KIF7: variants seen among roughly 807,000 people sequenced by gnomAD.
KIF7 encodes kinesin-like protein KIF7.
In KIF7, 104 loss-of-function variants were observed where a neutral mutation model predicts 135.7. The ratio of observed to expected loss-of-function variants is 0.77; its 90% confidence interval spans 0.65 to 0.90. KIF7 has a LOEUF of 0.90. Among genes scored for constraint, KIF7 ranks in the 40% least tolerant of loss-of-function variants. The pLI is 0.00. For synonymous variants in KIF7, 883 were observed against 809.4 expected (o/e 1.09, Z -1.54); for missense variants, 2,005 against 1,839.1 (o/e 1.09, Z -1.65).
chr15:89,633,053 G>T (rs1046137007), intron 13 of KIF7, 57 bp from the exon 14 acceptor site: 2 of 1,582,242 alleles, frequency 1.3e-6, no homozygotes, highest in Non-Finnish European at 1.7e-6. Context: ...GGCTGTGTCA[G>T]CCGCCACTCG....
chr15:89,639,068 T>C lies in KIF7; in HGVS notation c.2394+3135A>G, dbSNP rs1410447341. Among the ~76,000 whole-genome samples the C allele has an allele frequency of 6.6e-5, 10 of 152,122 alleles. 1 individual carries two copies. In the South Asian group the frequency reaches 2.1e-3, roughly 32 times the overall value. Reference sequence around the variant, plus strand: ...GGATTCCCTATTTAATAAATGGTGCTGGGAAAACTGGCTAGCCATATGTAG... The same window carrying C: ...GGATTCCCTATTTAATAAATGGTGCCGGGAAAACTGGCTAGCCATATGTAG... On this transcript the variant is annotated intron_variant, in intron 11 of 18. Coordinates refer to ENST00000394412, the MANE Select transcript of KIF7 (RefSeq NM_198525.3).
At chr15:89,630,072 C>CCAAT (rs1392061732) in intron 16 of KIF7, 1 of 602,610 alleles carries the variant, frequency 1.7e-6, no homozygotes, top group Non-Finnish European at 2.9e-6. Flanking sequence ...CTGAGGTTAG[C>CCAAT]CAATCAGAGC....
chr15:89,630,593 T>G (rs1284697165), intron 15 of KIF7, 100 bp from the exon 16 acceptor site: 2 of 1,028,836 alleles, frequency 1.9e-6, no homozygotes, highest in African/African-American at 3.2e-5. Context: ...AACTGGGCCT[T>G]AAGGGTCCCC....
chr15:89,625,847 G>A, downstream of KIF7: 1 of 1,550,668 alleles, frequency 6.4e-7, no homozygotes, highest in Non-Finnish European at 8.7e-7. Flanking sequence ...TGCTTGACAA[G>A]GAGGCACTTG....
At chr15:89,624,970 G>A (rs1276851115), downstream of KIF7, 6 of 1,614,066 alleles carry the variant, frequency 3.7e-6, no homozygotes, top group East Asian at 1.3e-4. Flanking sequence ...CACAGACTCT[G>A]CCAGCCCACA....
chr15:89,653,158 T>C (rs1964152370), intron 1 of KIF7, among the ~76,000 whole-genome samples: 1 of 152,208 alleles, frequency 6.6e-6, no homozygotes, highest in Non-Finnish European at 1.5e-5. Flanking sequence ...CACAGGAACA[T>C]GTCATGGCTT....
chr15:89,650,415 C>G (rs1188885610), intron 2 of KIF7, among the ~76,000 whole-genome samples: 2 of 151,962 alleles, frequency 1.3e-5, no homozygotes. Context: ...TTTTTTGAGA[C>G]TGAGTTTTGC....
intron 13 of KIF7, 49 bp from the exon 14 acceptor site, chr15:89,633,045 C>G (rs1403267062): frequency 6.3e-7 from 1 of 1,594,112 alleles, no homozygotes; most frequent in African/African-American, 1.3e-5. Flanking sequence ...CCACCTCTGG[C>G]TGTGTCAGCC....
rs1481744178 is a variant in KIF7 at position 89,648,248 on chromosome 15, C to T, written c.1443+7G>A. ...ACAACCACAACCACAACCTGTCCCT[C>T]GGCCACCTTTCGCCCGCCGGCCCCC... On this transcript the variant is annotated splice_region_variant and intron_variant, in intron 5 of 18. Coordinates refer to ENST00000394412, the MANE Select transcript of KIF7 (RefSeq NM_198525.3). 1.3e-6 allele frequency: 2 copies of T among 1,511,978 alleles called. No individual in the cohort carries two copies. The highest frequency in any genetic ancestry group is 1.2e-5 in the South Asian group (1 of 82,710). 93.7% of individuals were successfully genotyped at this position (1,511,978 alleles called of 1,614,324 possible). A position where few individuals can be genotyped will look rare whatever the true frequency, so the allele number is the denominator to read the frequency against.
intron 2 of KIF7, chr15:89,617,880 C>G (rs192317185): frequency 3.1e-6 from 1 of 327,200 alleles, no homozygotes; most frequent in South Asian, 4.3e-5. Context: ...TTAATAGAGT[C>G]GGGGTTTCAC....
downstream of KIF7, chr15:89,623,979 C>T (rs1247744268): frequency 1.2e-6 from 2 of 1,614,056 alleles, no homozygotes; most frequent in Admixed American, 1.7e-5. Context: ...CAGAAAGCCC[C>T]TCCTGTCCAG....
At chr15:89,634,000 C>A (rs1963746740) in intron 11 of KIF7, 117 bp from the exon 12 acceptor site, 3 of 1,070,144 alleles carry the variant, frequency 2.8e-6, no homozygotes, top group Non-Finnish European at 4.3e-6. Flanking sequence ...GGGTGATAGA[C>A]CAATAATAAT....
At chr15:89,630,230 C>T (rs1963642572) in intron 16 of KIF7, 57 bp downstream of exon 16, 2 of 1,525,710 alleles carry the variant, frequency 1.3e-6, no homozygotes, top group Non-Finnish European at 1.8e-6. Flanking sequence ...TGCCATGAGA[C>T]ACCTCCCCAC....
chr15:89,647,009 G>A lies in KIF7; in HGVS notation c.1609C>T (p.Arg537Trp), dbSNP rs752524061. 79 of 1,611,526 alleles carry A rather than the reference G, an allele frequency of 4.9e-5. 1 individual carries two copies. The South Asian group carries it at 5.9e-4, about 12-fold the overall frequency. Residue 537 changes from arginine (R) to tryptophan (W), a missense_variant, in exon 7 of 19, where the codon CGG becomes TGG. Transcript: ENST00000394412. ...CAGCCTGGCCGCACCAGCTCTAACCGCAGCCGCAGTTCCACCATCTCCTCC... is the reference window on the plus strand; with the variant it reads ...CAGCCTGGCCGCACCAGCTCTAACCACAGCCGCAGTTCCACCATCTCCTCC... Reference protein sequence around the residue: ...QQEEMVELRLRLELVRPGWGG... With the variant: ...QQEEMVELRLWLELVRPGWGG...
In KIF7 at chr15:89,642,239, G is replaced by C; in HGVS notation, c.2358C>G (p.Phe786Leu). The change falls in exon 11 of 19, where the codon TTC (phenylalanine) becomes TTG (leucine). Residue 786 changes from phenylalanine to leucine, a missense_variant. Physicochemically the swap from Phe to Leu is conservative, Grantham distance 22. Coordinates refer to ENST00000394412, the MANE Select transcript of KIF7 (RefSeq NM_198525.3). ...DAGERSRLQE[F>L]RRRVAAAQSQ... ...TCTGGGCCGCAGCGACCCTCCTGCGGAACTCCTGGAGCCGAGACCGCTCGC... is the reference window on the plus strand; with the variant it reads ...TCTGGGCCGCAGCGACCCTCCTGCGCAACTCCTGGAGCCGAGACCGCTCGC... The C allele has an allele frequency of 6.2e-7, 1 of 1,610,450 alleles. No individual in the cohort carries two copies. The highest frequency in any genetic ancestry group is 1.9e-4 in the Middle Eastern group (1 of 5,326).
downstream of KIF7, chr15:89,625,028 T>C (rs1716012771): frequency 6.2e-7 from 1 of 1,613,824 alleles, no homozygotes; most frequent in Non-Finnish European, 8.5e-7. Flanking sequence ...CTTCCCAAAC[T>C]TCGAATTAAG....
chr15:89,629,691 G>A, intron 16 of KIF7, 118 bp from the exon 17 acceptor site: 2 of 1,377,586 alleles, frequency 1.5e-6, no homozygotes, highest in Non-Finnish European at 2.0e-6. Flanking sequence ...AATCACCAGG[G>A]TCTTCCCTGC....
At chr15:89,622,736 C>T (rs1398049431) in intron 1 of KIF7, among the ~76,000 whole-genome samples, 3 of 152,208 alleles carry the variant, frequency 2.0e-5, no homozygotes, top group Non-Finnish European at 2.9e-5. Context: ...GGCTGGGTGC[C>T]ATCCTGCACA....
chr15:89,625,080 C>T (rs1963494753), downstream of KIF7: 5 of 1,613,928 alleles, frequency 3.1e-6, no homozygotes, highest in East Asian at 4.5e-5. Context: ...AGCCCCTCAG[C>T]AAGGAGGAGA....
Sources: allele counts gnomAD v4.1 joint callset (sites outside exome capture counted in the v4.1 genomes callset), GRCh38; gene constraint gnomAD v4.1.1; transcripts MANE v1.5; gene names NCBI Gene and HGNC (gene_info 2026-07-23, HGNC 2026-07-21).